Variants in SDHC observed in about 807,000 individuals in gnomAD.
The protein encoded by SDHC is succinate dehydrogenase complex subunit C, also known as succinate dehydrogenase cytochrome b560 subunit, mitochondrial.
In SDHC, 11 loss-of-function variants were observed where a neutral mutation model predicts 22.6. The ratio of observed to expected loss-of-function variants is 0.49; its 90% CI spans 0.31 to 0.81. SDHC has a LOEUF of 0.81. Among genes scored for constraint, SDHC ranks in the 30% least tolerant of loss-of-function variants. The pLI, the probability that SDHC is intolerant of heterozygous loss-of-function variation, is 0.05. For missense variants in SDHC, 160 were observed against 212.0 expected (o/e 0.75, Z 1.52); for synonymous variants, 80 against 77.8 (o/e 1.03, Z -0.15).
chr1:161,361,739 A>C (rs1016118572), intron 5 of SDHC, among the ~76,000 whole-genome samples: 2 of 148,484 alleles, frequency 1.3e-5, no homozygotes, highest in Non-Finnish European at 1.5e-5. Context: ...GCTACTTGGG[A>C]GGCTGAGGCA....
At chr1:161,346,423 G>C (rs1671899334) in intron 4 of SDHC, among the ~76,000 whole-genome samples, 1 of 150,606 alleles carries the variant, frequency 6.6e-6, no homozygotes, top group Non-Finnish European at 1.5e-5. Flanking sequence ...TTTCGAGACA[G>C]AGTTTCGCTT....
At chr1:161,338,659 TG>T (rs1403827908) in intron 3 of SDHC, among the ~76,000 whole-genome samples, 1 of 152,182 alleles carries the variant, frequency 6.6e-6, no homozygotes, top group Non-Finnish European at 1.5e-5. Context: ...TATAAAAATT[TG>T]GGATAGGTAA....
intron 4 of SDHC, among the ~76,000 whole-genome samples, chr1:161,355,068 T>C (rs1217571885): frequency 6.6e-6 from 1 of 152,206 alleles, no homozygotes; most frequent in Non-Finnish European, 1.5e-5. Context: ...TTCTCAGTCA[T>C]TGGTGGTCGA....
intron 5 of SDHC, among the ~76,000 whole-genome samples, chr1:161,359,994 T>TTGAG (rs1300872950): frequency 2.0e-5 from 3 of 151,872 alleles, no homozygotes; most frequent in Non-Finnish European, 2.9e-5. Flanking sequence ...TAGAAGCAAT[T>TTGAG]TGAGGGTTGA....
At position 161,362,854 on chromosome 1, in the gene SDHC, G is replaced by A. The variant is rs996693646; in HGVS notation, c.*421G>A. 4 of 465,770 alleles carry A rather than the reference G, an allele frequency of 8.6e-6. No homozygotes were observed. Among genetic ancestry groups the A allele is most frequent in the South Asian group, 8.6e-5 (4 of 46,604 alleles). The allele number at this position is 465,770 out of a possible 1,614,324, so 28.9% of individuals were successfully genotyped here. A position where few individuals can be genotyped will look rare whatever the true frequency, so the allele number is the denominator to read the frequency against. On this transcript the variant is annotated 3_prime_UTR_variant, in exon 6 of 6. Coordinates refer to ENST00000367975, the MANE Select transcript of SDHC (RefSeq NM_003001.5). ...GGTGAGGCTTTGGGTGCCACTGCCT[G>A]TGGGTTGCTGGCTTAAAGGACAATT...
intron 4 of SDHC, among the ~76,000 whole-genome samples, chr1:161,354,957 A>T (rs1212606713): frequency 1.3e-5 from 2 of 152,008 alleles, no homozygotes; most frequent in Non-Finnish European, 2.9e-5. Flanking sequence ...TAATCTGCCC[A>T]CCTTGGCCTC....
intron 1 of SDHC, among the ~76,000 whole-genome samples, chr1:161,323,292 C>T (rs1043988465): frequency 1.3e-5 from 2 of 152,030 alleles, no homozygotes; most frequent in African/African-American, 4.8e-5. Context: ...GCCAGCGCGC[C>T]TGGCCCAAGA....
chr1:161,349,340 C>T lies in SDHC; in HGVS notation c.242-7337C>T, dbSNP rs1672024607. 4.6e-5 allele frequency among the ~76,000 whole-genome samples: 7 copies of T among 152,108 alleles called. No individual in the cohort carries two copies. In the South Asian group the frequency reaches 1.5e-3, roughly 32 times the overall value. The stretch of plus-strand genomic sequence containing the variant: ...TTAGCTGGGTGTAGGTGGCACATTC[C>T]TGTAACGTGGGCTACTTGGGAGACT... On this transcript the variant is annotated intron_variant, in intron 4 of 5. Coordinates refer to ENST00000367975, the MANE Select transcript of SDHC (RefSeq NM_003001.5).
rs774698308 is a variant in SDHC, at chr1:161,315,791, A to G, written c.20+1366A>G. ...ACTTGGAAAAGAAAGAGACACAGAC[A>G]AAGTATAGAGAAAGAAAAAAGGGGG... is the stretch of plus-strand genomic sequence containing the variant. On this transcript the variant is annotated intron_variant, in intron 1 of 5. Coordinates refer to ENST00000367975, the MANE Select transcript of SDHC (RefSeq NM_003001.5). Among the ~76,000 whole-genome samples the G allele has an allele frequency of 8.6e-5, 13 of 151,986 alleles. No individual in the cohort carries two copies. The Middle Eastern group carries it at 0.014, about 159-fold the overall frequency.
At chr1:161,320,882 A>G (rs1289612687) in intron 1 of SDHC, among the ~76,000 whole-genome samples, 1 of 140,634 alleles carries the variant, frequency 7.1e-6, no homozygotes, top group Non-Finnish European at 1.5e-5. Flanking sequence ...GCTGGAGTGC[A>G]GTGGCCCAAT....
intron 4 of SDHC, among the ~76,000 whole-genome samples, chr1:161,355,939 A>G (rs1672251936): frequency 6.7e-6 from 1 of 148,818 alleles, no homozygotes; most frequent in African/African-American, 2.5e-5. Context: ...AGCTGAGATC[A>G]CGCTTACTGC....
rs1351671226 is a variant in SDHC at position 161,328,535 on chromosome 1, G to C, written c.179+38G>C. On this transcript the variant is annotated intron_variant, in intron 3 of 5. Coordinates refer to ENST00000367975, the MANE Select transcript of SDHC (RefSeq NM_003001.5). ...TCTGGAGCCAGAGAATCTAGAGGTA[G>C]TGGGTGAAAGTTCTGAAGGTTGATC... The C allele has an allele frequency of 5.7e-6, 8 of 1,406,218 alleles. No individual in the cohort carries two copies. In the South Asian group the frequency reaches 9.2e-5, roughly 16 times the overall value. 87.1% of individuals were successfully genotyped at this position (1,406,218 alleles called of 1,614,324 possible).
At chr1:161,343,160 G>A (rs779667154) in intron 4 of SDHC, among the ~76,000 whole-genome samples, 18 of 152,168 alleles carry the variant, frequency 1.2e-4, no homozygotes, top group African/African-American at 2.4e-4. Flanking sequence ...AGCAGTGGTG[G>A]TATTGGAAAA....
intron 1 of SDHC, 98 bp from the exon 2 acceptor site, chr1:161,323,516 T>C (rs1193032954): frequency 3.4e-6 from 3 of 891,468 alleles, no homozygotes; most frequent in South Asian, 2.7e-5. Flanking sequence ...TTTTATATCT[T>C]ACTTTTAATC....
chr1:161,352,281 T>C (rs1053798566), intron 4 of SDHC, among the ~76,000 whole-genome samples: 1 of 152,192 alleles, frequency 6.6e-6, no homozygotes, highest in Non-Finnish European at 1.5e-5. Context: ...AATTAACTGA[T>C]TAATATTCCT....
intron 3 of SDHC, among the ~76,000 whole-genome samples, chr1:161,331,828 C>A (rs1259641060): frequency 6.6e-6 from 1 of 151,994 alleles, no homozygotes; most frequent in Non-Finnish European, 1.5e-5. Flanking sequence ...AGCTCCTGAC[C>A]TCGTGATCTG....
intron 4 of SDHC, among the ~76,000 whole-genome samples, chr1:161,343,667 A>G (rs541951613): frequency 6.6e-6 from 1 of 152,274 alleles, no homozygotes; most frequent in East Asian, 1.9e-4. Context: ...AGAATAAGAA[A>G]TTTTTAGATT....
intron 4 of SDHC, among the ~76,000 whole-genome samples, chr1:161,345,279 T>C (rs957243802): frequency 3.9e-5 from 6 of 152,168 alleles, no homozygotes; most frequent in African/African-American, 1.4e-4. Flanking sequence ...CTGTGCTTGG[T>C]TAGTTCTTTC....
chr1:161,315,203 C>G lies in SDHC; in HGVS notation c.20+778C>G, dbSNP rs931868772. Among the ~76,000 whole-genome samples the G allele has an allele frequency of 2.0e-5, 3 of 152,188 alleles. No individual in the cohort carries two copies. The East Asian group carries it at 5.8e-4, about 29-fold the overall frequency. On this transcript the variant is annotated intron_variant, in intron 1 of 5. Transcript: ENST00000367975. ...GTACAAATCCCAGCATAGTTTTGTG[C>G]CAGCCTTATTTTTGGAAATTGTTTG... is the stretch of plus-strand genomic sequence containing the variant.
Sources: allele counts gnomAD v4.1 joint callset (sites outside exome capture counted in the v4.1 genomes callset), GRCh38; gene constraint gnomAD v4.1.1; transcripts MANE v1.5; gene names NCBI Gene and HGNC (gene_info 2026-07-23, HGNC 2026-07-21).